Variants in DLGAP1 observed in about 807,000 individuals in gnomAD.
The protein encoded by DLGAP1 is disks large-associated protein 1.
Under a neutral mutation model 90.8 loss-of-function variants are expected in DLGAP1, and 11 were observed. The ratio of observed to expected loss-of-function variants is 0.12; its 90% CI spans 0.08 to 0.20. The LOEUF is 0.20. Among genes scored for constraint, DLGAP1 ranks in the 10% least tolerant of loss-of-function variants. DLGAP1 has a pLI of 1.00. For missense variants in DLGAP1, 1,050 were observed against 1,333.8 expected (o/e 0.79, Z 3.31); for synonymous variants, 558 against 540.7 (o/e 1.03, Z -0.44).
rs530152129 is a variant in DLGAP1, at chr18:4,174,797, GT to G, written c.-266-23511del. Among the ~76,000 whole-genome samples the G allele has an allele frequency of 6.0e-4, 91 of 152,270 alleles. 1 individual carries two copies. The highest frequency in any genetic ancestry group is 4.4e-3 in the South Asian group (21 of 4,826). On this transcript the variant is annotated intron_variant, in intron 1 of 12. Transcript: ENST00000315677. ...CCCAACTGGCCCTGGTGTGTGTGTT[GT>G]TGCCCTCCCTGTGTCCATGTGTTCT...
intron 1 of DLGAP1, among the ~76,000 whole-genome samples, chr18:4,208,700 C>T (rs192702117): frequency 1.4e-4 from 21 of 151,738 alleles, no homozygotes; most frequent in Admixed American, 1.3e-3. Flanking sequence ...CCCTCTCTCA[C>T]CAACACCAAG....
intron 3 of DLGAP1, among the ~76,000 whole-genome samples, chr18:3,946,182 T>C (rs894367036): frequency 6.6e-6 from 1 of 152,170 alleles, no homozygotes; most frequent in Non-Finnish European, 1.5e-5. Context: ...GAATAAAAAG[T>C]GATGAATATC....
intron 1 of DLGAP1, among the ~76,000 whole-genome samples, chr18:4,168,047 C>T (rs1200099121): frequency 6.6e-6 from 1 of 152,110 alleles, no homozygotes; most frequent in Admixed American, 6.5e-5. Context: ...CAATTCCTAT[C>T]AAAATCTTGT....
At chr18:4,282,393 T>C (rs1447300009) in intron 1 of DLGAP1, among the ~76,000 whole-genome samples, 1 of 147,146 alleles carries the variant, frequency 6.8e-6, no homozygotes, top group Non-Finnish European at 1.5e-5. Context: ...GTAAAAATGA[T>C]AGAATTTTCT....
intron 2 of DLGAP1, among the ~76,000 whole-genome samples, chr18:4,070,728 C>T (rs2075435134): frequency 6.6e-6 from 1 of 151,604 alleles, no homozygotes; most frequent in South Asian, 2.1e-4. Context: ...GTTGGATCCA[C>T]AAAGATATAA....
At chr18:3,823,520 G>T (rs2067537066) in intron 4 of DLGAP1, among the ~76,000 whole-genome samples, 2 of 152,114 alleles carry the variant, frequency 1.3e-5, no homozygotes. Flanking sequence ...TGAAAGACAG[G>T]TTTGTCTTAC....
At chr18:3,523,847 CAAAA>C (rs36093730) in intron 10 of DLGAP1, among the ~76,000 whole-genome samples, 1 of 114,350 alleles carries the variant, frequency 8.7e-6, no homozygotes. Flanking sequence ...GACTCTGTCT[CAAAA>C]AAAAAAAAAA....
intron 1 of DLGAP1, among the ~76,000 whole-genome samples, chr18:4,263,222 G>A (rs112257678): frequency 0.019 from 2,858 of 152,232 alleles, 84 homozygotes; most frequent in African/African-American, 0.064. Context: ...GTGAGGCACC[G>A]TACCGGGCCT....
chr18:3,524,496 G>C (rs1163870982), intron 10 of DLGAP1, among the ~76,000 whole-genome samples: 1 of 152,102 alleles, frequency 6.6e-6, no homozygotes, highest in Non-Finnish European at 1.5e-5. Flanking sequence ...TGAGATGACA[G>C]ATATGTTAAT....
chr18:4,404,756 A>G (rs1440520829), intron 1 of DLGAP1, among the ~76,000 whole-genome samples: 1 of 152,226 alleles, frequency 6.6e-6, no homozygotes, highest in Non-Finnish European at 1.5e-5. Flanking sequence ...AAACGCATAA[A>G]GGCCAGACAA....
At chr18:3,801,770 G>A (rs2148331784) in intron 5 of DLGAP1, among the ~76,000 whole-genome samples, 1 of 152,202 alleles carries the variant, frequency 6.6e-6, no homozygotes, top group African/African-American at 2.4e-5. Flanking sequence ...AAAAAAGTAA[G>A]AGAAAAGCAC....
At position 3,680,782 on chromosome 18, in the gene DLGAP1, C is replaced by T. The variant is rs183396959; in HGVS notation, c.1591+48353G>A. Among the ~76,000 whole-genome samples the T allele has an allele frequency of 3.4e-5, 4 of 118,022 alleles. No individual in the cohort carries two copies. The East Asian group carries it at 1.1e-3, about 33-fold the overall frequency. The allele number at this position is 118,022 out of a possible 152,430, so 77.4% of individuals were successfully genotyped here. On this transcript the variant is annotated intron_variant, in intron 7 of 12. Coordinates refer to ENST00000315677, the MANE Select transcript of DLGAP1 (RefSeq NM_004746.4). ...CCAGCCTGGAAGACAGAGCGAGACT[C>T]CGTCTCAAAAAAAAAAAAAAAAAAG...
At chr18:4,094,431 G>A (rs553917033) in intron 2 of DLGAP1, among the ~76,000 whole-genome samples, 1 of 152,024 alleles carries the variant, frequency 6.6e-6, no homozygotes, top group Non-Finnish European at 1.5e-5. Flanking sequence ...TTGCATTTCA[G>A]TTGTTATCTC....
At chr18:4,124,753 T>G (rs2076206569) in intron 2 of DLGAP1, among the ~76,000 whole-genome samples, 1 of 152,228 alleles carries the variant, frequency 6.6e-6, no homozygotes, top group African/African-American at 2.4e-5. Context: ...GTTTACATGC[T>G]TGGTGTTTTC....
At chr18:4,019,652 T>TA (rs1958239492) in intron 2 of DLGAP1, among the ~76,000 whole-genome samples, 1 of 152,070 alleles carries the variant, frequency 6.6e-6, no homozygotes, top group South Asian at 2.1e-4. Context: ...TTTTTTGTTC[T>TA]AATGATTTAA....
intron 1 of DLGAP1, among the ~76,000 whole-genome samples, chr18:4,300,608 T>G (rs1294566221): frequency 6.6e-6 from 1 of 152,178 alleles, no homozygotes; most frequent in Non-Finnish European, 1.5e-5. Context: ...TGAGCTCTAC[T>G]GGTATTACTG....
At chr18:3,539,116 AG>A (rs1476877287) in intron 9 of DLGAP1, among the ~76,000 whole-genome samples, 1 of 152,252 alleles carries the variant, frequency 6.6e-6, no homozygotes, top group African/African-American at 2.4e-5. Flanking sequence ...GAGCTTTCAA[AG>A]AATGTTCTGC....
intron 1 of DLGAP1, among the ~76,000 whole-genome samples, chr18:4,178,267 G>A (rs1285533645): frequency 6.8e-6 from 1 of 146,720 alleles, no homozygotes; most frequent in African/African-American, 2.6e-5. Context: ...TAGAGATAGG[G>A]GTCTCCATAT....
At chr18:3,911,962 C>CT (rs1198624517) in intron 3 of DLGAP1, among the ~76,000 whole-genome samples, 2 of 152,184 alleles carry the variant, frequency 1.3e-5, no homozygotes, top group African/African-American at 4.8e-5. Flanking sequence ...CACTTGGGAG[C>CT]TTGTTAGAAT....
Sources: allele counts gnomAD v4.1 joint callset (sites outside exome capture counted in the v4.1 genomes callset), GRCh38; gene constraint gnomAD v4.1.1; transcripts MANE v1.5; gene names NCBI Gene and HGNC (gene_info 2026-07-23, HGNC 2026-07-21).